EEFSEC: variants seen among roughly 807,000 people sequenced by gnomAD.
EEFSEC encodes the protein selenocysteine-specific elongation factor.
In EEFSEC, 43 loss-of-function variants were observed where a neutral mutation model predicts 42.1. The ratio of observed to expected loss-of-function variants is 1.02; its 90% CI spans 0.80 to 1.32. The LOEUF is 1.32. EEFSEC is among the 40% of genes most tolerant of loss of function. EEFSEC has a pLI of 0.00. For missense variants in EEFSEC, 745 were observed against 803.6 expected (o/e 0.93, Z 0.88); for synonymous variants, 354 against 339.1 (o/e 1.04, Z -0.48).
chr3:128,420,190 TCACA>T, the EEFSEC span, among the ~76,000 whole-genome samples: 7 of 152,344 alleles, frequency 4.6e-5, no homozygotes, highest in East Asian at 9.6e-4. Flanking sequence ...AGGGAGGCTG[TCACA>T]CACGCGCGTG....
In EEFSEC at chr3:128,235,213, C is replaced by T. The variant is rs144114522; in HGVS notation, c.317-11623C>T. Among the ~76,000 whole-genome samples, 376 of 147,970 alleles carry T rather than the reference C, an allele frequency of 2.5e-3. 3 individuals are homozygous for T. The highest frequency in any genetic ancestry group is 2.1e-3 in the Non-Finnish European group (139 of 67,208). ...CCATATGTCTGGGACCACAGGTGCACACCACCACACCCAGCTAATTTTTGT... is the reference window on the plus strand; with the variant it reads ...CCATATGTCTGGGACCACAGGTGCATACCACCACACCCAGCTAATTTTTGT... On this transcript the variant is annotated intron_variant, in intron 1 of 6. Coordinates refer to ENST00000254730, the MANE Select transcript of EEFSEC (RefSeq NM_021937.5).
At chr3:128,233,924 A>G (rs1442663259) in intron 1 of EEFSEC, among the ~76,000 whole-genome samples, 1 of 152,218 alleles carries the variant, frequency 6.6e-6, no homozygotes, top group East Asian at 1.9e-4. Context: ...TTCCTGGGCT[A>G]TTAAGATTAA....
At chr3:128,249,901 CTATT>C (rs1433832243) in intron 2 of EEFSEC, among the ~76,000 whole-genome samples, 1 of 152,112 alleles carries the variant, frequency 6.6e-6, no homozygotes, top group African/African-American at 2.4e-5. Flanking sequence ...GGATGTATAG[CTATT>C]TATTCAATTT....
At chr3:128,310,076 G>C (rs2066873893) in intron 4 of EEFSEC, among the ~76,000 whole-genome samples, 1 of 152,336 alleles carries the variant, frequency 6.6e-6, no homozygotes, top group African/African-American at 2.4e-5. Context: ...CCAAAGGCAG[G>C]TGCGGTATCT....
intron 1 of EEFSEC, among the ~76,000 whole-genome samples, chr3:128,180,441 G>A (rs140321627): frequency 2.2e-4 from 33 of 152,328 alleles, no homozygotes; most frequent in African/African-American, 7.0e-4. Flanking sequence ...GGCATGAGGT[G>A]TATTTTTATT....
At chr3:128,209,857 G>A (rs1004703946) in intron 1 of EEFSEC, among the ~76,000 whole-genome samples, 4 of 152,180 alleles carry the variant, frequency 2.6e-5, no homozygotes, top group Admixed American at 6.5e-5. Context: ...CTTGCTCATC[G>A]TTCAATCAAA....
At chr3:128,386,499 C>T (rs1423161414) in intron 6 of EEFSEC, among the ~76,000 whole-genome samples, 1 of 150,986 alleles carries the variant, frequency 6.6e-6, no homozygotes, top group Non-Finnish European at 1.5e-5. Context: ...GATGCAGTGA[C>T]AGGTGACACC....
intron 1 of EEFSEC, among the ~76,000 whole-genome samples, chr3:128,211,102 C>A (rs924748099): frequency 6.6e-6 from 1 of 152,248 alleles, no homozygotes; most frequent in South Asian, 2.1e-4. Context: ...TTAATAATAT[C>A]CATTTTGCAG....
At chr3:128,353,658 C>T (rs1454917103) in intron 5 of EEFSEC, among the ~76,000 whole-genome samples, 1 of 152,184 alleles carries the variant, frequency 6.6e-6, no homozygotes, top group Non-Finnish European at 1.5e-5. Context: ...TGGAGAAAGT[C>T]GTCTGGGCTC....
chr3:128,332,520 C>T (rs1365775571), intron 4 of EEFSEC, among the ~76,000 whole-genome samples: 3 of 152,196 alleles, frequency 2.0e-5, no homozygotes, highest in African/African-American at 7.2e-5. Flanking sequence ...GGCGCAATAT[C>T]GGGTCACTGC....
At chr3:128,328,521 A>G (rs2067090280) in intron 4 of EEFSEC, among the ~76,000 whole-genome samples, 1 of 152,224 alleles carries the variant, frequency 6.6e-6, no homozygotes, top group Non-Finnish European at 1.5e-5. Context: ...AAGGATAACA[A>G]TGGAATGTCA....
chr3:128,222,478 C>T (rs1253327300), intron 1 of EEFSEC, among the ~76,000 whole-genome samples: 3 of 152,200 alleles, frequency 2.0e-5, no homozygotes, highest in African/African-American at 4.8e-5. Context: ...AGGGATTCTA[C>T]TGGGTATAAA....
At chr3:128,251,869 A>G (rs2066190744) in intron 2 of EEFSEC, among the ~76,000 whole-genome samples, 1 of 152,168 alleles carries the variant, frequency 6.6e-6, no homozygotes. Flanking sequence ...TTGCATAAGC[A>G]TTTATCAATG....
chr3:128,315,831 A>G (rs911417816), intron 4 of EEFSEC, among the ~76,000 whole-genome samples: 1 of 152,196 alleles, frequency 6.6e-6, no homozygotes, highest in South Asian at 2.1e-4. Flanking sequence ...TTCCTATGCT[A>G]TATGTTATAC....
chr3:128,373,259 A>G (rs1735538), intron 6 of EEFSEC, among the ~76,000 whole-genome samples: 62,925 of 152,120 alleles, frequency 0.41, 16,067 homozygotes, highest in African/African-American at 0.72. Flanking sequence ...AGTTCCGTGC[A>G]ATGTGGAGCC....
At chr3:128,274,705 A>G (rs1293300196) in intron 4 of EEFSEC, among the ~76,000 whole-genome samples, 1 of 152,228 alleles carries the variant, frequency 6.6e-6, no homozygotes, top group Non-Finnish European at 1.5e-5. Flanking sequence ...TTGATTAGAA[A>G]CAACATTTAT....
intron 1 of EEFSEC, among the ~76,000 whole-genome samples, chr3:128,231,883 G>A (rs2065962348): frequency 6.6e-6 from 1 of 152,186 alleles, no homozygotes; most frequent in Admixed American, 6.5e-5. Context: ...GGAGAGACAC[G>A]AGGACACACA....
At chr3:128,245,900 A>G (rs2066121876) in intron 1 of EEFSEC, among the ~76,000 whole-genome samples, 1 of 152,176 alleles carries the variant, frequency 6.6e-6, no homozygotes, top group Admixed American at 6.5e-5. Context: ...CATCAGAGTC[A>G]TTCACAGAGC....
intron 2 of EEFSEC, among the ~76,000 whole-genome samples, chr3:128,247,489 A>G (rs886069200): frequency 2.6e-5 from 4 of 152,324 alleles, no homozygotes; most frequent in Admixed American, 1.3e-4. Flanking sequence ...CAACTCGATT[A>G]TCAAAAGGGG....
Sources: gnomAD v4.1 joint callset for allele counts (sites outside exome capture counted in the v4.1 genomes callset) on GRCh38, gnomAD v4.1.1 for gene constraint, MANE v1.5 for transcripts, NCBI Gene and HGNC (gene_info 2026-07-23, HGNC 2026-07-21) for gene names.